LINC00632: variants seen among roughly 807,000 people sequenced by gnomAD.
The protein encoded by LINC00632 is long independently transcribed non-coding RNA 632, also known as ALDOA related specific transcript.
At chrX:140,723,651 C>CACACACATTCCAT (rs1930801470) in intron 2 of LINC00632, among the ~76,000 whole-genome samples, 1 of 66,135 alleles carries the variant, frequency 1.5e-5, no homozygotes, top group East Asian at 4.4e-4. Flanking sequence ...ATTCCATACA[C>CACACACATTCCAT]ACACACATTC....
intron 3 of LINC00632, among the ~76,000 whole-genome samples, chrX:140,743,998 G>C (rs928600531): frequency 1.8e-5 from 2 of 111,987 alleles, no homozygotes; most frequent in Admixed American, 1.9e-4. Context: ...AAATGATACA[G>C]TATATTTGGT....
intron 3 of LINC00632, among the ~76,000 whole-genome samples, chrX:140,735,859 C>A (rs1373937615): frequency 9.0e-6 from 1 of 111,476 alleles, no homozygotes; most frequent in African/African-American, 3.3e-5. Flanking sequence ...AGTCACCACG[C>A]CCAGCCTTTA....
At chrX:140,713,074 G>C (rs1258967292) in intron 2 of LINC00632, among the ~76,000 whole-genome samples, 2 of 111,939 alleles carry the variant, frequency 1.8e-5, no homozygotes, top group African/African-American at 6.5e-5. Context: ...TGCGGCTGTG[G>C]GGCCAGGGGA....
intron 3 of LINC00632, among the ~76,000 whole-genome samples, chrX:140,737,541 T>C (rs976007927): frequency 1.8e-5 from 2 of 111,525 alleles, no homozygotes; most frequent in African/African-American, 6.5e-5. Context: ...CTTACTATGC[T>C]ATCCAACACT....
chrX:140,791,213 A>C (rs1932103409), exon 5 of LINC00632, among the ~76,000 whole-genome samples: 1 of 111,809 alleles, frequency 8.9e-6, no homozygotes, highest in Non-Finnish European at 1.9e-5. Context: ...TGGATAAAGA[A>C]TGTTATCAAG....
At chrX:140,715,693 G>A (rs1316955989) in intron 2 of LINC00632, among the ~76,000 whole-genome samples, 2 of 111,929 alleles carry the variant, frequency 1.8e-5, no homozygotes, top group Non-Finnish European at 3.8e-5. Flanking sequence ...CAAAATATAT[G>A]AAACTATTTG....
At chrX:140,716,154 T>C (rs1930624439) in intron 2 of LINC00632, 1 of 111,892 alleles carries the variant, frequency 8.9e-6, no homozygotes, top group Admixed American at 9.5e-5. Context: ...GACGTGCTTT[T>C]CCATGCTGTT....
At chrX:140,781,597 G>A (rs1224840090) in exon 5 of LINC00632, among the ~76,000 whole-genome samples, 2 of 110,824 alleles carry the variant, frequency 1.8e-5, no homozygotes, top group Non-Finnish European at 3.8e-5. Flanking sequence ...TTTACCATTC[G>A]GCTTCAATTT....
intron 3 of LINC00632, among the ~76,000 whole-genome samples, chrX:140,736,594 G>A (rs1429923780): frequency 6.6e-5 from 7 of 105,733 alleles, no homozygotes; most frequent in African/African-American, 1.0e-4. Context: ...CCTCCATCAC[G>A]CCCAGCTAAT....
chrX:140,733,723 A>AATG (rs1359872328), intron 2 of LINC00632, among the ~76,000 whole-genome samples: 1 of 112,614 alleles, frequency 8.9e-6, no homozygotes, highest in Non-Finnish European at 1.9e-5. Flanking sequence ...TTAATGTAAT[A>AATG]TAGATTACAT....
At position 140,745,198 on chromosome X, in the gene LINC00632, G is replaced by A. The variant is rs753300941; in HGVS notation, n.191+11234G>A. ...CCTCTGCTTGAACATCTCCAGTACTGGGGAGCTTGGTGTTTTCTAAGGTAG... is the reference window on the plus strand; with the variant it reads ...CCTCTGCTTGAACATCTCCAGTACTAGGGAGCTTGGTGTTTTCTAAGGTAG... On this transcript the variant is annotated intron_variant and non_coding_transcript_variant, in intron 3 of 4. Transcript: ENST00000648200. Among the ~76,000 whole-genome samples, 9 of 109,260 alleles carry A rather than the reference G, an allele frequency of 8.2e-5. No homozygotes were observed. In the South Asian group the frequency reaches 3.6e-3, roughly 44 times the overall value. 94.9% of individuals were successfully genotyped at this position (109,260 alleles called of 115,157 possible).
exon 4 of LINC00632, among the ~76,000 whole-genome samples, chrX:140,773,290 G>A (rs958736684): frequency 8.9e-6 from 1 of 112,215 alleles, no homozygotes; most frequent in East Asian, 2.8e-4. Context: ...AGATTAAGGA[G>A]CTGCCGGAGA....
At chrX:140,781,844 G>C (rs981513174) in exon 5 of LINC00632, among the ~76,000 whole-genome samples, 1 of 111,659 alleles carries the variant, frequency 9.0e-6, no homozygotes, top group Non-Finnish European at 1.9e-5. Context: ...ACTACAATGG[G>C]AGAGTTGAGT....
chrX:140,787,994 GATTTT>G (rs1161681432), exon 5 of LINC00632, among the ~76,000 whole-genome samples: 10 of 110,189 alleles, frequency 9.1e-5, no homozygotes, highest in African/African-American at 3.3e-4. Context: ...AATATGGGTA[GATTTT>G]ACTTCTAGAA....
At chrX:140,762,209 A>AG (rs1931603413) in intron 3 of LINC00632, among the ~76,000 whole-genome samples, 1 of 67,123 alleles carries the variant, frequency 1.5e-5, no homozygotes, top group African/African-American at 5.2e-5. Context: ...GTTTTTCGAA[A>AG]AGAGAGAGAG....
At chrX:140,759,451 G>A (rs767635608) in intron 3 of LINC00632, among the ~76,000 whole-genome samples, 65 of 109,311 alleles carry the variant, frequency 5.9e-4, no homozygotes, top group African/African-American at 2.0e-3. Context: ...CCAACTCCTG[G>A]GTGTAAGTCA....
At chrX:140,734,755 ACAT>A (rs1361288527) in intron 3 of LINC00632, among the ~76,000 whole-genome samples, 1 of 95,290 alleles carries the variant, frequency 1.0e-5, no homozygotes, top group Non-Finnish European at 2.0e-5. Context: ...GGTTGGAAAT[ACAT>A]CTTTTTTTTT....
chrX:140,788,151 A>T (rs1049100516), exon 5 of LINC00632, among the ~76,000 whole-genome samples: 1 of 109,307 alleles, frequency 9.1e-6, no homozygotes. Context: ...GCAAAAAAAA[A>T]ATTGAAGATG....
In LINC00632 at chrX:140,783,336, G is replaced by A; in HGVS notation, n.11355G>A. On this transcript the variant is annotated non_coding_transcript_exon_variant, in exon 5 of 5. Coordinates refer to ENST00000648200, the Ensembl canonical transcript of LINC00632. ...CTTCCGGACAATCCATGTCTTCCAAGAAGCTCCAAGTCTTCCAGTAAATCA... is the reference window on the plus strand; with the variant it reads ...CTTCCGGACAATCCATGTCTTCCAAAAAGCTCCAAGTCTTCCAGTAAATCA... 7.6e-6 allele frequency: 3 copies of A among 394,939 alleles called. No individual in the cohort carries two copies. In the South Asian group the frequency reaches 1.6e-4, roughly 21 times the overall value. 32.5% of individuals were successfully genotyped at this position (394,939 alleles called of 1,213,427 possible).
Sources: gnomAD v4.1 joint callset for allele counts (sites outside exome capture counted in the v4.1 genomes callset) on GRCh38, gnomAD v4.1.1 for gene constraint, MANE v1.5 for transcripts, NCBI Gene and HGNC (gene_info 2026-07-23, HGNC 2026-07-21) for gene names.